PTPRG: variants seen among roughly 807,000 people sequenced by gnomAD.
The protein encoded by PTPRG is protein tyrosine phosphatase receptor type G, also known as receptor-type tyrosine-protein phosphatase gamma.
A neutral mutation model predicts 165.3 loss-of-function variants in PTPRG; 102 were observed. The ratio of observed to expected loss-of-function variants is 0.62; its 90% CI spans 0.53 to 0.73. The LOEUF (loss-of-function observed/expected upper bound fraction) is 0.73, where lower values mean the gene tolerates loss of function less well. Among genes scored for constraint, PTPRG ranks in the 30% least tolerant of loss-of-function variants. The probability of loss-of-function intolerance (pLI) is 0.00; values close to 1 mark genes in which losing one functional copy is unlikely to be tolerated. For missense variants in PTPRG, 1,866 were observed against 1,861.4 expected (o/e 1.00, Z -0.05); for synonymous variants, 675 against 669.5 (o/e 1.01, Z -0.13).
intron 4 of PTPRG, among the ~76,000 whole-genome samples, chr3:62,047,246 A>ATTATTTATTTATTTAT (rs10523312): frequency 0.019 from 1,201 of 63,018 alleles, 7 homozygotes; most frequent in Middle Eastern, 0.037. Context: ...TGAGCTTCCT[A>ATTATTTATTTATTTAT]TTATTTATTT....
chr3:62,283,184 A>G (rs1702517444), intron 28 of PTPRG, among the ~76,000 whole-genome samples: 1 of 152,182 alleles, frequency 6.6e-6, no homozygotes, highest in Admixed American at 6.6e-5. Context: ...TGAGTAAATT[A>G]ATAACTGTTT....
intron 2 of PTPRG, among the ~76,000 whole-genome samples, chr3:61,880,433 A>C (rs946285555): frequency 6.6e-6 from 1 of 152,156 alleles, no homozygotes; most frequent in African/African-American, 2.4e-5. Context: ...CAGCCTGGCC[A>C]ACAGGGTGAA....
intron 4 of PTPRG, among the ~76,000 whole-genome samples, chr3:62,069,684 T>TCTCACATACA (rs542306888): frequency 1.4e-5 from 2 of 145,070 alleles, no homozygotes; most frequent in East Asian, 4.4e-4. Context: ...TCTCTCTCTC[T>TCTCACATACA]CACACACAGA....
At chr3:61,753,601 T>TG (rs1553661008) in intron 2 of PTPRG, 4 of 441,376 alleles carry the variant, frequency 9.1e-6, no homozygotes, top group South Asian at 1.6e-5. Context: ...TTTTTTTTTT[T>TG]GGAGATTGGA....
At chr3:62,266,310 A>T (rs1352682055) in intron 17 of PTPRG, among the ~76,000 whole-genome samples, 5 of 152,184 alleles carry the variant, frequency 3.3e-5, no homozygotes, top group African/African-American at 1.2e-4. Flanking sequence ...AATGAGCCAG[A>T]AACATGATGT....
intron 1 of PTPRG, among the ~76,000 whole-genome samples, chr3:61,566,301 G>A (rs1393260847): frequency 1.3e-5 from 2 of 152,228 alleles, no homozygotes; most frequent in Non-Finnish European, 1.5e-5. Flanking sequence ...AGCGAATGCT[G>A]ATGATTTAAT....
chr3:62,081,874 G>A (rs1701595400), intron 5 of PTPRG, among the ~76,000 whole-genome samples: 1 of 152,128 alleles, frequency 6.6e-6, no homozygotes, highest in Non-Finnish European at 1.5e-5. Context: ...TTACATTTTA[G>A]TATTGAAGAA....
chr3:61,674,671 A>G (rs1703161616), intron 1 of PTPRG, among the ~76,000 whole-genome samples: 1 of 152,072 alleles, frequency 6.6e-6, no homozygotes, highest in African/African-American at 2.4e-5. Context: ...AAATGAATTA[A>G]AAATAATTTT....
At chr3:61,715,686 AT>A (rs527566183) in intron 1 of PTPRG, among the ~76,000 whole-genome samples, 1 of 152,148 alleles carries the variant, frequency 6.6e-6, no homozygotes, top group Non-Finnish European at 1.5e-5. Context: ...GGGGGCACAG[AT>A]TTCCAAAAAA....
intron 1 of PTPRG, among the ~76,000 whole-genome samples, chr3:61,638,169 G>T (rs573639704): frequency 2.6e-5 from 4 of 152,098 alleles, no homozygotes; most frequent in Non-Finnish European, 4.4e-5. Context: ...AACCAAAAAG[G>T]CTTCTTGCTA....
intron 1 of PTPRG, among the ~76,000 whole-genome samples, chr3:61,564,200 C>T (rs551419872): frequency 1.3e-5 from 2 of 152,238 alleles, no homozygotes; most frequent in Admixed American, 6.5e-5. Context: ...TTTCTAGTCT[C>T]CCCTGCTTTA....
At chr3:61,903,486 G>C (rs968167787) in intron 2 of PTPRG, among the ~76,000 whole-genome samples, 2 of 152,160 alleles carry the variant, frequency 1.3e-5, no homozygotes, top group African/African-American at 4.8e-5. Context: ...TGATTCTCGT[G>C]TCTCAGCCTC....
intron 14 of PTPRG, among the ~76,000 whole-genome samples, chr3:62,232,055 C>G (rs1700916119): frequency 6.6e-6 from 1 of 151,884 alleles, no homozygotes. Flanking sequence ...TTCACTAATC[C>G]ATATTATGTC....
intron 1 of PTPRG, among the ~76,000 whole-genome samples, chr3:61,658,499 T>C (rs1702572240): frequency 1.3e-5 from 2 of 152,222 alleles, no homozygotes; most frequent in Admixed American, 1.3e-4. Flanking sequence ...AGCTCCTTTT[T>C]CTATCTTGAA....
At position 61,693,964 on chromosome 3, in the gene PTPRG, C is replaced by T. The variant is rs189412772; in HGVS notation, c.86-54914C>T. Among the ~76,000 whole-genome samples, 130 of 144,386 alleles carry T rather than the reference C, an allele frequency of 9.0e-4. 1 individual carries two copies. Among genetic ancestry groups the T allele is most frequent in the African/African-American group, 2.7e-3 (106 of 38,546 alleles). The allele number at this position is 144,386 out of a possible 152,430, so 94.7% of individuals were successfully genotyped here. A position where few individuals can be genotyped will look rare whatever the true frequency, so the allele number is the denominator to read the frequency against. ...CAGAGGTTACAGTGAGCCGAGATCA[C>T]GATACTGCACTCCAGCCTGGGTGAC... On this transcript the variant is annotated intron_variant, in intron 1 of 29. Transcript: ENST00000474889.
intron 16 of PTPRG, among the ~76,000 whole-genome samples, chr3:62,256,328 T>C (rs190281749): frequency 2.0e-5 from 3 of 152,296 alleles, no homozygotes; most frequent in Admixed American, 6.5e-5. Flanking sequence ...CAAAAGGCTA[T>C]CATAAAGGCA....
chr3:62,182,391 G>T (rs555553193), intron 8 of PTPRG, among the ~76,000 whole-genome samples: 1 of 152,324 alleles, frequency 6.6e-6, no homozygotes, highest in East Asian at 1.9e-4. Flanking sequence ...GTAAGGAAAT[G>T]CTACATTTTT....
At position 62,293,382 on chromosome 3, in the gene PTPRG, C is replaced by G; in HGVS notation, c.*75C>G. The G allele has an allele frequency of 2.3e-6, 3 of 1,323,352 alleles. No individual in the cohort carries two copies. The South Asian group carries it at 5.5e-5, about 24-fold the overall frequency. The allele number at this position is 1,323,352 out of a possible 1,614,324, so 82.0% of individuals were successfully genotyped here. ...CTTTTTTGAGGCCTTTTTTGCCAGA[C>G]TCTAGGTTATACAATAACCCAGTTA... On this transcript the variant is annotated 3_prime_UTR_variant, in exon 30 of 30. Transcript: ENST00000474889.
At chr3:62,060,211 CAAAAA>C (rs3068431) in intron 4 of PTPRG, among the ~76,000 whole-genome samples, 605 of 131,400 alleles carry the variant, frequency 4.6e-3, no homozygotes, top group African/African-American at 5.7e-3. Context: ...GACCCTGTCT[CAAAAA>C]AAAAAAAAAA....
Sources: gnomAD v4.1 joint callset for allele counts (sites outside exome capture counted in the v4.1 genomes callset) on GRCh38, gnomAD v4.1.1 for gene constraint, MANE v1.5 for transcripts, NCBI Gene and HGNC (gene_info 2026-07-23, HGNC 2026-07-21) for gene names.